Variants in KDM3B observed in about 807,000 individuals in gnomAD.
KDM3B encodes the protein lysine demethylase 3B, also known as lysine-specific demethylase 3B.
Under a neutral mutation model 170.0 loss-of-function variants are expected in KDM3B, and 10 were observed. That is an observed-to-expected ratio of 0.06 (90% CI 0.04 to 0.10). The LOEUF (loss-of-function observed/expected upper bound fraction) is 0.10, where lower values mean the gene tolerates loss of function less well. Among genes scored for constraint, KDM3B ranks in the 10% least tolerant of loss-of-function variants. The pLI is 1.00. For synonymous variants in KDM3B, 831 were observed against 834.8 expected (o/e 1.00, Z 0.08); for missense variants, 1,394 against 2,195.2 (o/e 0.64, Z 7.29).
chr5:138,389,419 TTTTG>T (rs1234719660), intron 7 of KDM3B, among the ~76,000 whole-genome samples: 1 of 152,182 alleles, frequency 6.6e-6, no homozygotes, highest in Middle Eastern at 3.2e-3. Flanking sequence ...AGAATAGCCC[TTTTG>T]TTTATCGGGA....
chr5:138,394,959 T>G (rs1486705704), intron 9 of KDM3B, among the ~76,000 whole-genome samples: 1 of 152,082 alleles, frequency 6.6e-6, no homozygotes, highest in African/African-American at 2.4e-5. Context: ...GAATTAGATG[T>G]GAAGTATGAA....
intron 20 of KDM3B, 52 bp from the exon 21 acceptor site, chr5:138,429,774 A>G (rs1267340328): frequency 2.5e-6 from 4 of 1,580,500 alleles, no homozygotes; most frequent in African/African-American, 2.7e-5. Flanking sequence ...CATTTCACTC[A>G]GTGGTACTGA....
intron 1 of KDM3B, among the ~76,000 whole-genome samples, chr5:138,357,887 A>G (rs1761494241): frequency 6.6e-6 from 1 of 151,060 alleles, no homozygotes; most frequent in Non-Finnish European, 1.5e-5. Flanking sequence ...AGGTTTCGCC[A>G]TGTTGGCCAG....
In KDM3B at chr5:138,352,827, A is replaced by T; in HGVS notation, c.32A>T (p.Lys11Met). Reference protein sequence around the residue: MADAAASPVGKRLLLLFADTA... With the variant: MADAAASPVGMRLLLLFADTA... ...GACGCGGCGGCCTCCCCGGTGGGCA[A>T]GCGGCTGCTGCTGCTGTTCGCGGAC... Residue 11 changes from lysine to methionine, a missense_variant, in exon 1 of 24, where the codon AAG (lysine) becomes ATG (methionine). By Grantham distance (95) the Lys-to-Met change is moderately conservative (BLOSUM62 -1). This residue lies in a region of KDM3B where 99 missense variants were observed against 97.5 expected (regional missense o/e 1.02). Transcript: ENST00000314358. 1 of 1,342,166 alleles carries T rather than the reference A, an allele frequency of 7.5e-7. No homozygotes were observed. 83.1% of individuals were successfully genotyped at this position (1,342,166 alleles called of 1,614,324 possible).
At chr5:138,357,298 A>G (rs1580870541) in intron 1 of KDM3B, among the ~76,000 whole-genome samples, 1 of 151,640 alleles carries the variant, frequency 6.6e-6, no homozygotes, top group African/African-American at 2.4e-5. Context: ...ACTTTTCTTA[A>G]TAGTTTAGGA....
At chr5:138,427,912 G>A (rs200454926) in intron 19 of KDM3B, 55 bp from the exon 20 acceptor site, 119 of 1,562,056 alleles carry the variant, frequency 7.6e-5, no homozygotes, top group Non-Finnish European at 9.9e-5. Context: ...TAGTGTCGAC[G>A]TGGATTCTTC....
chr5:138,372,656 G>C lies in KDM3B; in HGVS notation c.193-18G>C. 2 of 1,604,970 alleles carry C rather than the reference G, an allele frequency of 1.2e-6. No individual in the cohort carries two copies. Among genetic ancestry groups the C allele is most frequent in the Non-Finnish European group, 1.7e-6 (2 of 1,174,118 alleles). ...TTTTTCCAAGTGTGACTTCCAAACTGCTTTTTATCTCTTGCAGATCTTTGT... is the reference window on the plus strand; with the variant it reads ...TTTTTCCAAGTGTGACTTCCAAACTCCTTTTTATCTCTTGCAGATCTTTGT... On this transcript the variant is annotated intron_variant, in intron 1 of 23. Coordinates refer to ENST00000314358, the MANE Select transcript of KDM3B (RefSeq NM_016604.4).
chr5:138,363,914 CTTTTT>C (rs11409334), intron 1 of KDM3B, among the ~76,000 whole-genome samples: 1 of 133,910 alleles, frequency 7.5e-6, no homozygotes. Flanking sequence ...TTTAGTTTTT[CTTTTT>C]TTTTTTTTTT....
At chr5:138,426,247 C>T (rs1019849184) in intron 17 of KDM3B, among the ~76,000 whole-genome samples, 1 of 152,080 alleles carries the variant, frequency 6.6e-6, no homozygotes, top group African/African-American at 2.4e-5. Flanking sequence ...CCCACCTTGT[C>T]CATTATGGGG....
chr5:138,392,489 C>G (rs1015756220), intron 8 of KDM3B, among the ~76,000 whole-genome samples: 2 of 152,202 alleles, frequency 1.3e-5, no homozygotes, highest in Non-Finnish European at 2.9e-5. Flanking sequence ...TGATAATCCC[C>G]CAAAGGAGGA....
chr5:138,412,049 G>A (rs569118100), intron 11 of KDM3B, among the ~76,000 whole-genome samples: 4 of 149,702 alleles, frequency 2.7e-5, no homozygotes, highest in South Asian at 2.2e-4. Flanking sequence ...CAGAAGACAC[G>A]TAAAAGCTGG....
At chr5:138,392,808 C>T (rs1462321226) in intron 8 of KDM3B, among the ~76,000 whole-genome samples, 3 of 152,158 alleles carry the variant, frequency 2.0e-5, no homozygotes, top group African/African-American at 2.4e-5. Context: ...CAGCTGTTCT[C>T]AATAGGAATT....
chr5:138,358,513 C>T (rs1761515158), intron 1 of KDM3B, among the ~76,000 whole-genome samples: 1 of 151,418 alleles, frequency 6.6e-6, no homozygotes, highest in South Asian at 2.1e-4. Context: ...GCCATGTTGG[C>T]CAGGCTGGTC....
intron 7 of KDM3B, 149 bp from the exon 8 acceptor site, chr5:138,390,862 CCA>C (rs1762409341): frequency 4.5e-6 from 3 of 670,446 alleles, no homozygotes; most frequent in Non-Finnish European, 7.2e-6. Flanking sequence ...CTGGTGAACT[CCA>C]GTTACAAGAG....
chr5:138,374,250 G>A (rs566533557), intron 2 of KDM3B: 49 of 432,602 alleles, frequency 1.1e-4, no homozygotes, highest in African/African-American at 9.0e-4. Context: ...ACGCCCAGCC[G>A]TTTCATTTGT....
intron 11 of KDM3B, among the ~76,000 whole-genome samples, chr5:138,402,507 C>T (rs1419258337): frequency 1.3e-5 from 2 of 152,138 alleles, no homozygotes; most frequent in Non-Finnish European, 2.9e-5. Context: ...TCAGTACTTC[C>T]CTCACAACTT....
chr5:138,371,803 G>A (rs763937413), intron 1 of KDM3B, among the ~76,000 whole-genome samples: 20 of 152,034 alleles, frequency 1.3e-4, no homozygotes, highest in Non-Finnish European at 2.5e-4. Context: ...TATCTCTACC[G>A]AAATAATTAA....
intron 17 of KDM3B, among the ~76,000 whole-genome samples, chr5:138,426,042 T>C (rs1385233185): frequency 6.6e-6 from 1 of 152,096 alleles, no homozygotes; most frequent in Non-Finnish European, 1.5e-5. Flanking sequence ...TATACCCACT[T>C]GGTGGGGGAA....
chr5:138,370,916 C>T (rs976642075), intron 1 of KDM3B, among the ~76,000 whole-genome samples: 34 of 151,918 alleles, frequency 2.2e-4, no homozygotes, highest in African/African-American at 8.0e-4. Context: ...TCAAGTGATT[C>T]ATCTGCCTCA....
Sources: gnomAD v4.1 joint callset for allele counts (sites outside exome capture counted in the v4.1 genomes callset) on GRCh38, gnomAD v4.1.1 for gene constraint, gnomAD v4.1.1 regional missense constraint, MANE v1.5 for transcripts, NCBI Gene and HGNC (gene_info 2026-07-23, HGNC 2026-07-21) for gene names.